Variants in ERAP1 observed in about 807,000 individuals in gnomAD.
ERAP1 encodes the protein adipocyte-derived leucine aminopeptidase.
In ERAP1, 86 loss-of-function variants were observed where a neutral mutation model predicts 103.7. The ratio of observed to expected loss-of-function variants is 0.83; its 90% CI spans 0.70 to 0.99. The LOEUF (loss-of-function observed/expected upper bound fraction) is 0.99, where lower values mean the gene tolerates loss of function less well. ERAP1 is among the 50% of genes least tolerant of loss of function. The pLI is 0.00. For missense variants in ERAP1, 1,009 were observed against 1,128.4 expected (o/e 0.89, Z 1.52); for synonymous variants, 398 against 402.4 (o/e 0.99, Z 0.13).
In ERAP1 at chr5:96,797,178, G is replaced by A. The variant is rs780682247; in HGVS notation, c.795C>T (p.Val265=). The stretch of plus-strand genomic sequence containing the variant: ...TATGTGACAGTCATAGGCTCACCTT[G>A]ACTCCACTCTTGGTTATCTTGCTGA... ...ESVSKITKSG[V]KVSVYAVPDK... Residue 265 remains valine, a synonymous_variant, in exon 4 of 19, where the codon GTC becomes GTT. Coordinates refer to ENST00000443439, the MANE Select transcript of ERAP1 (RefSeq NM_001040458.3). 1.2e-6 allele frequency: 2 copies of A among 1,614,070 alleles called. No individual in the cohort carries two copies. Among genetic ancestry groups the A allele is most frequent in the East Asian group, 2.2e-5 (1 of 44,882 alleles).
upstream of ERAP1, chr5:96,808,158 G>C (rs1255556009): frequency 1.0e-6 from 1 of 984,432 alleles, no homozygotes; most frequent in Non-Finnish European, 1.2e-6. Flanking sequence ...ATCAGGCGTA[G>C]GAAGTGCACG....
chr5:96,783,005 A>G, intron 15 of ERAP1, 46 bp downstream of exon 15: 1 of 1,590,098 alleles, frequency 6.3e-7, no homozygotes, highest in South Asian at 1.1e-5. Context: ...GAAAACAGAA[A>G]AGATGCCCTT....
the ERAP1 span, among the ~76,000 whole-genome samples, chr5:96,814,796 A>G: frequency 6.6e-6 from 1 of 152,250 alleles, no homozygotes; most frequent in African/African-American, 2.4e-5. Context: ...TACAGTCTAG[A>G]GAAAATAGTA....
At chr5:96,850,389 T>C in the ERAP1 span, among the ~76,000 whole-genome samples, 1 of 152,016 alleles carries the variant, frequency 6.6e-6, no homozygotes, top group Non-Finnish European at 1.5e-5. Flanking sequence ...AGCTGCTCAA[T>C]AATAAGAAAA....
the ERAP1 span, among the ~76,000 whole-genome samples, chr5:96,845,040 C>T: frequency 6.6e-6 from 1 of 152,108 alleles, no homozygotes; most frequent in Non-Finnish European, 1.5e-5. Context: ...AAATTGCCTA[C>T]AGAATGGTCT....
chr5:96,821,476 G>A, the ERAP1 span, among the ~76,000 whole-genome samples: 1 of 152,150 alleles, frequency 6.6e-6, no homozygotes, highest in Admixed American at 6.5e-5. Context: ...CACACGTAGG[G>A]GAAGGGCAGG....
In ERAP1 at chr5:96,776,236, A is replaced by G; in HGVS notation, c.*160T>C. 2.7e-6 allele frequency: 4 copies of G among 1,501,208 alleles called. No individual in the cohort carries two copies. In the East Asian group the frequency reaches 9.8e-5, roughly 37 times the overall value. 93.0% of individuals were successfully genotyped at this position (1,501,208 alleles called of 1,614,324 possible). ...ACATGGTAGCGATAGCCCATTCATGAAAAACTAACAGCTATTCTTTTCACA... is the reference window on the plus strand; with the variant it reads ...ACATGGTAGCGATAGCCCATTCATGGAAAACTAACAGCTATTCTTTTCACA... On this transcript the variant is annotated 3_prime_UTR_variant, in exon 19 of 19. Coordinates refer to ENST00000443439, the MANE Select transcript of ERAP1 (RefSeq NM_001040458.3).
intron 19 of ERAP1, chr5:96,769,255 A>C (rs753445349): frequency 1.3e-5 from 2 of 152,076 alleles, no homozygotes; most frequent in Admixed American, 6.5e-5. Flanking sequence ...TCAGCATCCT[A>C]TCTCTCACCC....
At chr5:96,847,031 G>A in the ERAP1 span, among the ~76,000 whole-genome samples, 11 of 149,108 alleles carry the variant, frequency 7.4e-5, no homozygotes, top group Non-Finnish European at 1.6e-4. Flanking sequence ...CTGAGCTCAA[G>A]AGTTTGAGAC....
chr5:96,769,679 C>T (rs895403036), downstream of ERAP1: 1 of 151,942 alleles, frequency 6.6e-6, no homozygotes, highest in Non-Finnish European at 1.5e-5. Flanking sequence ...TAACTCTCTA[C>T]ACTTGTTCAT....
the ERAP1 span, among the ~76,000 whole-genome samples, chr5:96,851,554 T>TGC: frequency 6.6e-6 from 1 of 152,200 alleles, no homozygotes; most frequent in Middle Eastern, 3.2e-3. Context: ...CTCTGGTTTC[T>TGC]TTCTTTTCCC....
chr5:96,798,232 G>C (rs1002458826), intron 3 of ERAP1, among the ~76,000 whole-genome samples: 1 of 150,490 alleles, frequency 6.6e-6, no homozygotes, highest in Non-Finnish European at 1.5e-5. Flanking sequence ...GGCTGAGGCA[G>C]GAGAATGGCA....
chr5:96,907,420 T>C, the ERAP1 span, among the ~76,000 whole-genome samples: 18 of 152,326 alleles, frequency 1.2e-4, no homozygotes, highest in East Asian at 7.7e-4. Flanking sequence ...AAAGAAAAAC[T>C]GGCTTAATAT....
At chr5:96,886,546 T>C in the ERAP1 span, 2 of 909,918 alleles carry the variant, frequency 2.2e-6, no homozygotes, top group South Asian at 7.5e-5. Context: ...GGTCATCGAT[T>C]GTCCTTCAGA....
chr5:96,880,077 T>C, the ERAP1 span: 12 of 1,614,062 alleles, frequency 7.4e-6, no homozygotes, highest in Middle Eastern at 4.9e-4. Context: ...TCAAGATACA[T>C]GAAACCAGGA....
chr5:96,797,440 A>T, intron 3 of ERAP1, 131 bp from the exon 4 acceptor site: 3 of 946,870 alleles, frequency 3.2e-6, no homozygotes, highest in Non-Finnish European at 4.9e-6. Context: ...CGAGGTAGGC[A>T]GAATGCTTGA....
Position 96,776,084 on chromosome 5 carries a change from A to C in ERAP1, c.*312T>G. 1 of 1,289,644 alleles carries C rather than the reference A, an allele frequency of 7.8e-7. No homozygotes were observed. The highest frequency in any genetic ancestry group is 1.0e-6 in the Non-Finnish European group (1 of 995,848). The allele number at this position is 1,289,644 out of a possible 1,614,324, so 79.9% of individuals were successfully genotyped here. A position where few individuals can be genotyped will look rare whatever the true frequency, so the allele number is the denominator to read the frequency against. On this transcript the variant is annotated 3_prime_UTR_variant, in exon 19 of 19. Transcript: ENST00000443439. ...TTTATGAATGATAAACATGGGGTAC[A>C]GGGTTTTGGACACGGGTGCTTAAGC...
chr5:96,908,282 C>T, the ERAP1 span, among the ~76,000 whole-genome samples: 4 of 152,152 alleles, frequency 2.6e-5, no homozygotes, highest in Non-Finnish European at 4.4e-5. Flanking sequence ...GGAGCACTTT[C>T]CAATAGTGAG....
chr5:96,864,581 AGGT>A, the ERAP1 span, among the ~76,000 whole-genome samples: 1 of 152,176 alleles, frequency 6.6e-6, no homozygotes, highest in East Asian at 1.9e-4. Flanking sequence ...CTGTGGTAGA[AGGT>A]TTTAAGGTTA....
Sources: allele counts gnomAD v4.1 joint callset (sites outside exome capture counted in the v4.1 genomes callset), GRCh38; gene constraint gnomAD v4.1.1; transcripts MANE v1.5; gene names NCBI Gene and HGNC (gene_info 2026-07-23, HGNC 2026-07-21).